The following FAM193A variants were observed in gnomAD, a reference collection of about 807,000 sequenced individuals.
FAM193A encodes the protein protein FAM193A.
FAM193A carries 22 observed loss-of-function variants against 126.5 expected under a neutral mutation model. The ratio of observed to expected loss-of-function variants is 0.17; its 90% CI spans 0.12 to 0.25. The LOEUF is 0.25. FAM193A is among the 10% of genes least tolerant of loss of function. The probability of loss-of-function intolerance (pLI) is 1.00; values close to 1 mark genes in which losing one functional copy is unlikely to be tolerated. For missense variants in FAM193A, 1,675 were observed against 1,672.8 expected (o/e 1.00, Z -0.02); for synonymous variants, 761 against 646.8 (o/e 1.18, Z -2.68).
rs191288831 is a variant in FAM193A at position 2,586,694 on chromosome 4, C to A, written c.256-9390C>A. On this transcript the variant is annotated intron_variant, in intron 1 of 20. Coordinates refer to ENST00000637812, the MANE Select transcript of FAM193A (RefSeq NM_001366318.2). ...TTGAGAACAGGGTCTTGCTCTGTTG[C>A]CCAGGCTGGAATGCAGTGGCAGGAG... Among the ~76,000 whole-genome samples the A allele has an allele frequency of 4.6e-5, 7 of 152,296 alleles. No individual in the cohort carries two copies. The East Asian group carries it at 1.4e-3, about 29-fold the overall frequency.
At chr4:2,688,406 G>A (rs899191967) in intron 13 of FAM193A, among the ~76,000 whole-genome samples, 5 of 152,126 alleles carry the variant, frequency 3.3e-5, no homozygotes, top group Non-Finnish European at 7.3e-5. Context: ...TCTTTAGGCC[G>A]AGGCCTGCAG....
chr4:2,635,698 A>G (rs1744019692), intron 5 of FAM193A, among the ~76,000 whole-genome samples: 1 of 152,044 alleles, frequency 6.6e-6, no homozygotes, highest in Non-Finnish European at 1.5e-5. Context: ...ACATCTGGCT[A>G]ATTTTTTTGT....
At chr4:2,691,905 C>T (rs1233107303) in intron 15 of FAM193A, among the ~76,000 whole-genome samples, 2 of 152,176 alleles carry the variant, frequency 1.3e-5, no homozygotes, top group East Asian at 3.8e-4. Flanking sequence ...AAGCACACCT[C>T]CTCTAAATGT....
In FAM193A at chr4:2,700,041, T is replaced by G; in HGVS notation, c.3869T>G (p.Leu1290Arg). The change falls in exon 19 of 21, where the codon CTA becomes CGA. Residue 1290 changes from leucine (L) to arginine (R), a missense_variant. Leu to Arg is a moderately radical substitution (Grantham distance 102). Coordinates refer to ENST00000637812, the MANE Select transcript of FAM193A (RefSeq NM_001366318.2). ...AACCACTCAGAGCCCAGGCCAGGGC[T>G]AGGGGCTGATGGGGATGCTGCAGAC... ...HMNHSEPRPGLGADGDAADPV... is the reference protein window; with the variant it reads ...HMNHSEPRPGRGADGDAADPV... 1 of 1,613,868 alleles carries G rather than the reference T, an allele frequency of 6.2e-7. No individual in the cohort carries two copies. The highest frequency in any genetic ancestry group is 8.5e-7 in the Non-Finnish European group (1 of 1,180,008).
Position 2,606,407 on chromosome 4 carries a change from C to T in FAM193A, c.501+10078C>T, listed in dbSNP as rs1297008223. The stretch of plus-strand genomic sequence containing the variant: ...CAAAGCTGGTTTCTTATATCTGCCT[C>T]TGTGTGGAACCTGTTGTGATAGGTT... On this transcript the variant is annotated intron_variant, in intron 2 of 20. Coordinates refer to ENST00000637812, the MANE Select transcript of FAM193A (RefSeq NM_001366318.2). Among the ~76,000 whole-genome samples the T allele has an allele frequency of 2.0e-5, 3 of 152,168 alleles. No individual in the cohort carries two copies. The East Asian group carries it at 5.8e-4, about 29-fold the overall frequency.
At chr4:2,551,302 A>G (rs1237980045) in intron 1 of FAM193A, among the ~76,000 whole-genome samples, 2 of 152,214 alleles carry the variant, frequency 1.3e-5, no homozygotes. Context: ...TATTTGCATT[A>G]TGCTGATTTA....
chr4:2,643,013 A>C (rs1211915897), intron 6 of FAM193A, among the ~76,000 whole-genome samples: 3 of 152,028 alleles, frequency 2.0e-5, no homozygotes, highest in Non-Finnish European at 2.9e-5. Flanking sequence ...TCAGACTCCA[A>C]CCATGAGCCA....
chr4:2,587,790 C>G (rs1332622898), intron 1 of FAM193A, among the ~76,000 whole-genome samples: 1 of 152,106 alleles, frequency 6.6e-6, no homozygotes, highest in Non-Finnish European at 1.5e-5. Flanking sequence ...AAAAGATAGG[C>G]AGTGAGAGAA....
chr4:2,623,089 C>A (rs1742651720), intron 2 of FAM193A, among the ~76,000 whole-genome samples: 1 of 152,080 alleles, frequency 6.6e-6, no homozygotes, highest in African/African-American at 2.4e-5. Context: ...GCTTCCCCAG[C>A]AGGACCTATT....
intron 20 of FAM193A, among the ~76,000 whole-genome samples, chr4:2,726,100 C>A (rs759791503): frequency 6.6e-6 from 1 of 152,028 alleles, no homozygotes; most frequent in Non-Finnish European, 1.5e-5. Flanking sequence ...GGGGTTTCAC[C>A]GTGTTAGCCA....
At chr4:2,581,917 T>C (rs543882534) in intron 1 of FAM193A, among the ~76,000 whole-genome samples, 2 of 152,130 alleles carry the variant, frequency 1.3e-5, no homozygotes, top group Non-Finnish European at 2.9e-5. Flanking sequence ...CCTCCCAAAG[T>C]GCTGGGATTA....
intron 2 of FAM193A, among the ~76,000 whole-genome samples, chr4:2,612,669 T>G (rs957499143): frequency 3.9e-5 from 6 of 152,206 alleles, no homozygotes; most frequent in African/African-American, 1.4e-4. Flanking sequence ...TCAGAACTAT[T>G]TATTGAAAAG....
Position 2,699,755 on chromosome 4 carries a change from C to T in FAM193A, c.3583C>T (p.Arg1195Trp), listed in dbSNP as rs763351628. Residue 1195 changes from arginine to tryptophan, a missense_variant, in exon 19 of 21, where the codon CGG becomes TGG. Coordinates refer to ENST00000637812, the MANE Select transcript of FAM193A (RefSeq NM_001366318.2). ...HLHLQEEQRRREEEEDEEEEE... is the reference protein window; with the variant it reads ...HLHLQEEQRRWEEEEDEEEEE... ...GCACCTCCAGGAGGAGCAGAGGCGG[C>T]GGGAGGAGGAGGAGGATGAGGAAGA... is the stretch of plus-strand genomic sequence containing the variant. 3.1e-6 allele frequency: 5 copies of T among 1,613,444 alleles called. No homozygotes were observed. The highest frequency in any genetic ancestry group is 3.4e-6 in the Non-Finnish European group (4 of 1,179,852).
At chr4:2,568,217 G>A (rs1036629215) in intron 1 of FAM193A, among the ~76,000 whole-genome samples, 3 of 152,134 alleles carry the variant, frequency 2.0e-5, no homozygotes, top group African/African-American at 7.2e-5. Flanking sequence ...CTGTGGGCTT[G>A]TAAAATTTTT....
Position 2,639,839 on chromosome 4 carries a change from C to T in FAM193A, c.1143C>T (p.Pro381=), listed in dbSNP as rs747998226. The change falls in exon 6 of 21, where the codon CCC becomes CCT. Residue 381 remains proline (P), a synonymous_variant. Coordinates refer to ENST00000637812, the MANE Select transcript of FAM193A (RefSeq NM_001366318.2). ...FSEPLLQSNL[P]ALVSQIRLGT... Reference sequence around the variant, plus strand: ...AGCCACTTCTTCAGAGCAACTTGCCCGCACTGGTGTCACAGATCAGGTATT... The same window carrying T: ...AGCCACTTCTTCAGAGCAACTTGCCTGCACTGGTGTCACAGATCAGGTATT... 21 of 1,613,810 alleles carry T rather than the reference C, an allele frequency of 1.3e-5. 1 individual carries two copies. The highest frequency in any genetic ancestry group is 1.6e-4 in the Middle Eastern group (1 of 6,084).
intron 2 of FAM193A, among the ~76,000 whole-genome samples, chr4:2,601,151 G>C (rs1020103158): frequency 6.6e-6 from 1 of 151,496 alleles, no homozygotes; most frequent in African/African-American, 2.4e-5. Flanking sequence ...CAGAGTTACT[G>C]GTATAAAGTT....
At chr4:2,564,382 C>T (rs764284965) in intron 1 of FAM193A, among the ~76,000 whole-genome samples, 1 of 152,038 alleles carries the variant, frequency 6.6e-6, no homozygotes, top group Non-Finnish European at 1.5e-5. Context: ...CACCCCTGGC[C>T]AGGAGCATGT....
intron 2 of FAM193A, among the ~76,000 whole-genome samples, chr4:2,607,431 T>G (rs895429015): frequency 6.6e-6 from 1 of 152,144 alleles, no homozygotes; most frequent in African/African-American, 2.4e-5. Flanking sequence ...TGGTACAAAT[T>G]TGAAAATAGT....
chr4:2,643,905 T>C (rs146550168), intron 6 of FAM193A, among the ~76,000 whole-genome samples: 2,718 of 152,288 alleles, frequency 0.018, 46 homozygotes, highest in Middle Eastern at 0.088. Flanking sequence ...AGTAGCCCAA[T>C]GTGGGCTTCA....
Sources: gnomAD v4.1 joint callset for allele counts (sites outside exome capture counted in the v4.1 genomes callset) on GRCh38, gnomAD v4.1.1 for gene constraint, MANE v1.5 for transcripts, NCBI Gene and HGNC (gene_info 2026-07-23, HGNC 2026-07-21) for gene names.